Variants in SCAF8 observed in about 807,000 individuals in gnomAD.
The protein encoded by SCAF8 is SR-related and CTD-associated factor 8.
Under a neutral mutation model 140.5 loss-of-function variants are expected in SCAF8, and 23 were observed. The ratio of observed to expected loss-of-function variants is 0.16; its 90% CI spans 0.12 to 0.23. SCAF8 has a LOEUF of 0.23. SCAF8 is among the 10% of genes least tolerant of loss of function. The probability of loss-of-function intolerance (pLI) is 1.00; values close to 1 mark genes in which losing one functional copy is unlikely to be tolerated. For missense variants in SCAF8, 1,397 were observed against 1,555.7 expected (o/e 0.90, Z 1.72); for synonymous variants, 575 against 528.9 (o/e 1.09, Z -1.20).
rs187367946 is a variant in SCAF8, at chr6:154,786,849, C to G, written c.160-1012C>G. The stretch of plus-strand genomic sequence containing the variant: ...CTAGTTGATGACTTAGCCAAGTTTT[C>G]CAAGTATTAAAATTATTTAAAACAT... On this transcript the variant is annotated intron_variant, in intron 3 of 19. Transcript: ENST00000367178. Among the ~76,000 whole-genome samples, 401 of 152,290 alleles carry G rather than the reference C, an allele frequency of 2.6e-3. 3 individuals carry two copies. Among genetic ancestry groups the G allele is most frequent in the Non-Finnish European group, 4.6e-3 (312 of 68,024 alleles).
At chr6:154,790,506 T>C (rs1445059062) in intron 4 of SCAF8, among the ~76,000 whole-genome samples, 8 of 93,382 alleles carry the variant, frequency 8.6e-5, no homozygotes, top group African/African-American at 3.0e-4. Context: ...TTTTTTTTTT[T>C]TTTTTTTTTT....
At chr6:154,787,248 A>C (rs935408113) in intron 3 of SCAF8, among the ~76,000 whole-genome samples, 2 of 152,230 alleles carry the variant, frequency 1.3e-5, no homozygotes, top group Admixed American at 6.5e-5. Flanking sequence ...GGTCACAGCT[A>C]TTTGGAAGGC....
intron 1 of SCAF8, 94 bp from the exon 2 acceptor site, chr6:154,773,895 G>C (rs1429229302): frequency 7.3e-6 from 6 of 821,794 alleles, no homozygotes; most frequent in African/African-American, 1.7e-5. Context: ...CAGTATGTTG[G>C]TTTCATTGAG....
At chr6:154,803,071 ATTAC>A (rs1777814821) in intron 7 of SCAF8, among the ~76,000 whole-genome samples, 1 of 152,166 alleles carries the variant, frequency 6.6e-6, no homozygotes, top group South Asian at 2.1e-4. Flanking sequence ...TTATTGGATT[ATTAC>A]TTAGACTGTT....
intron 3 of SCAF8, among the ~76,000 whole-genome samples, chr6:154,778,769 A>ATGTGTGTGTGTGTGTGTGTG (rs71021079): frequency 7.0e-6 from 1 of 142,060 alleles, no homozygotes; most frequent in African/African-American, 2.6e-5. Context: ...GTCTCAAAAA[A>ATGTGTGTGTGTGTGTGTGTG]TGTGTGTGTG....
chr6:154,811,100 T>C (rs1778076401), intron 12 of SCAF8, among the ~76,000 whole-genome samples: 1 of 152,204 alleles, frequency 6.6e-6, no homozygotes, highest in Non-Finnish European at 1.5e-5. Context: ...GCATGAATTT[T>C]ACCTGGTTGT....
intron 5 of SCAF8, among the ~76,000 whole-genome samples, chr6:154,793,885 T>C (rs949628460): frequency 4.0e-5 from 6 of 151,776 alleles, no homozygotes; most frequent in Admixed American, 3.9e-4. Flanking sequence ...TAGCATTTCA[T>C]AATTTTGTAT....
Position 154,809,945 on chromosome 6 carries a change from T to C in SCAF8, c.1227-70T>C, listed in dbSNP as rs75850722. ...AACTTTTTTGTTATTGTTTTTTCCC[T>C]CACTTAGAAGTGACAGATTTGGTAG... is the stretch of plus-strand genomic sequence containing the variant. On this transcript the variant is annotated intron_variant, in intron 11 of 19. Transcript: ENST00000367178. The C allele has an allele frequency of 5.2e-4, 642 of 1,227,576 alleles. 3 individuals are homozygous for C. The African/African-American group carries it at 9.0e-3, about 17-fold the overall frequency. 76.0% of individuals were successfully genotyped at this position (1,227,576 alleles called of 1,614,324 possible).
intron 1 of SCAF8, among the ~76,000 whole-genome samples, chr6:154,735,501 A>C (rs952661656): frequency 1.3e-5 from 2 of 149,566 alleles, no homozygotes; most frequent in African/African-American, 5.0e-5. Context: ...AAATTAGAGC[A>C]ATAGACTTGG....
chr6:154,821,203 C>T (rs751727800), intron 15 of SCAF8, among the ~76,000 whole-genome samples: 2 of 152,116 alleles, frequency 1.3e-5, no homozygotes, highest in Non-Finnish European at 2.9e-5. Flanking sequence ...TAGAGTGTAG[C>T]GCAGAGGTCA....
At chr6:154,772,231 C>T (rs560454987) in intron 1 of SCAF8, among the ~76,000 whole-genome samples, 2 of 152,248 alleles carry the variant, frequency 1.3e-5, no homozygotes, top group East Asian at 3.9e-4. Flanking sequence ...GTTCTGATGG[C>T]CAAAGTTTAG....
chr6:154,790,224 C>T (rs953456040), intron 4 of SCAF8, among the ~76,000 whole-genome samples: 11 of 152,034 alleles, frequency 7.2e-5, no homozygotes, highest in Non-Finnish European at 7.4e-5. Flanking sequence ...GGCTTGGAAA[C>T]GGAAAGATTT....
intron 1 of SCAF8, among the ~76,000 whole-genome samples, chr6:154,735,153 G>T (rs887901952): frequency 6.6e-6 from 1 of 151,488 alleles, no homozygotes; most frequent in African/African-American, 2.4e-5. Flanking sequence ...AAGAAAAAGT[G>T]TAATTATGCT....
intron 2 of SCAF8, among the ~76,000 whole-genome samples, chr6:154,776,260 A>G (rs1197073756): frequency 6.6e-6 from 1 of 151,464 alleles, no homozygotes; most frequent in Non-Finnish European, 1.5e-5. Context: ...GTTTTTCACT[A>G]CTTTATTACT....
intron 17 of SCAF8, among the ~76,000 whole-genome samples, chr6:154,826,076 TAA>T (rs1336728485): frequency 6.6e-6 from 1 of 152,170 alleles, no homozygotes; most frequent in East Asian, 1.9e-4. Flanking sequence ...TTAGCAAGAC[TAA>T]AAAATAAATT....
rs1289794329 is a variant in SCAF8, at chr6:154,831,927, C to T, written c.2360-12C>T. The T allele has an allele frequency of 2.0e-6, 3 of 1,495,612 alleles. No individual in the cohort carries two copies. The highest frequency in any genetic ancestry group is 2.7e-6 in the Non-Finnish European group (3 of 1,108,988). 92.6% of individuals were successfully genotyped at this position (1,495,612 alleles called of 1,614,324 possible). On this transcript the variant is annotated splice_polypyrimidine_tract_variant and intron_variant, in intron 19 of 19. Transcript: ENST00000367178. ...GTTATTTTGAGTTTTTTCTCTCTCTCTTTTTTTTTAGTGATTCCAAATGAT... is the reference window on the plus strand; with the variant it reads ...GTTATTTTGAGTTTTTTCTCTCTCTTTTTTTTTTTAGTGATTCCAAATGAT...
chr6:154,822,523 G>C (rs1778451461), intron 16 of SCAF8, 114 bp downstream of exon 16: 2 of 1,072,262 alleles, frequency 1.9e-6, no homozygotes, highest in East Asian at 2.4e-5. Flanking sequence ...ATAAATGTTT[G>C]TCAGTAGTGT....
chr6:154,806,347 T>TA (rs1447265993), intron 9 of SCAF8, among the ~76,000 whole-genome samples: 8 of 152,152 alleles, frequency 5.3e-5, no homozygotes, highest in African/African-American at 1.9e-4. Context: ...ATAAAAGTAT[T>TA]AGGAAACCCC....
At chr6:154,773,948 G>T in intron 1 of SCAF8, 41 bp from the exon 2 acceptor site, 1 of 1,239,646 alleles carries the variant, frequency 8.1e-7, no homozygotes, top group Non-Finnish European at 1.2e-6. Flanking sequence ...GTAATTGCTT[G>T]GAGAGTTTTG....
Sources: allele counts gnomAD v4.1 joint callset (sites outside exome capture counted in the v4.1 genomes callset), GRCh38; gene constraint gnomAD v4.1.1; transcripts MANE v1.5; gene names NCBI Gene and HGNC (gene_info 2026-07-23, HGNC 2026-07-21).